Variants in CEP128 observed in about 807,000 individuals in gnomAD.
The protein encoded by CEP128 is centrosomal protein 128kDa.
Under a neutral mutation model 156.7 loss-of-function variants are expected in CEP128, and 132 were observed. That is an observed-to-expected ratio of 0.84 (90% CI 0.73 to 0.97). The LOEUF (loss-of-function observed/expected upper bound fraction) is 0.97. Ranked by LOEUF, CEP128 falls within the 50% of genes least tolerant of loss-of-function variation. The pLI, the probability that CEP128 is intolerant of heterozygous loss-of-function variation, is 0.00. For missense variants in CEP128, 1,252 were observed against 1,281.9 expected (o/e 0.98, Z 0.36); for synonymous variants, 469 against 448.9 (o/e 1.04, Z -0.57).
At chr14:80,503,851 T>C (rs548809609) in intron 24 of CEP128, among the ~76,000 whole-genome samples, 1 of 152,262 alleles carries the variant, frequency 6.6e-6, no homozygotes, top group East Asian at 1.9e-4. Flanking sequence ...GCATTTAGAC[T>C]AAAATAATCA....
intron 18 of CEP128, among the ~76,000 whole-genome samples, chr14:80,754,459 CTTTTTTTTT>C (rs758603562): frequency 7.6e-5 from 8 of 104,808 alleles, no homozygotes; most frequent in African/African-American, 2.3e-4. Context: ...ATGTCCTGTT[CTTTTTTTTT>C]TTTTTTTTTT....
At chr14:80,811,483 A>G (rs28631251) in intron 13 of CEP128, among the ~76,000 whole-genome samples, 9,881 of 152,150 alleles carry the variant, frequency 0.065, 1,068 homozygotes, top group African/African-American at 0.23. Flanking sequence ...TCTCCATCTC[A>G]TTCTTTTTCT....
intron 19 of CEP128, among the ~76,000 whole-genome samples, chr14:80,596,842 A>AAAAAAAAAAAG (rs1555379468): frequency 8.6e-4 from 60 of 69,888 alleles, no homozygotes; most frequent in Non-Finnish European, 1.2e-3. Flanking sequence ...AAAAAAAAAA[A>AAAAAAAAAAAG]GGTGGGGGGG....
intron 19 of CEP128, among the ~76,000 whole-genome samples, chr14:80,679,694 G>A (rs1896235772): frequency 6.6e-6 from 1 of 151,992 alleles, no homozygotes; most frequent in South Asian, 2.1e-4. Context: ...TTTGCCTTGT[G>A]ACTTTATTGG....
At chr14:80,788,362 A>AT (rs1297569279) in intron 14 of CEP128, among the ~76,000 whole-genome samples, 1 of 143,954 alleles carries the variant, frequency 6.9e-6, no homozygotes, top group African/African-American at 2.6e-5. Context: ...TGGATAAATA[A>AT]TTCAACTTTT....
At chr14:80,672,354 TA>T (rs33944762) in intron 19 of CEP128, among the ~76,000 whole-genome samples, 66,544 of 149,916 alleles carry the variant, frequency 0.44, 15,893 homozygotes, top group East Asian at 0.65. Flanking sequence ...ATGTCTTTTT[TA>T]AAAAAAAAAT....
At chr14:80,487,770 A>G (rs1270021499), downstream of CEP128, among the ~76,000 whole-genome samples, 1 of 152,204 alleles carries the variant, frequency 6.6e-6, no homozygotes, top group African/African-American at 2.4e-5. Flanking sequence ...CTGCTCCTGA[A>G]TGACTACTGG....
At chr14:80,649,489 G>C (rs772133421) in intron 19 of CEP128, among the ~76,000 whole-genome samples, 1 of 152,126 alleles carries the variant, frequency 6.6e-6, no homozygotes, top group Non-Finnish European at 1.5e-5. Flanking sequence ...AGGACAAAAA[G>C]CAGGAGTCCC....
intron 23 of CEP128, among the ~76,000 whole-genome samples, chr14:80,506,508 G>A (rs1188064295): frequency 6.6e-6 from 1 of 151,386 alleles, no homozygotes; most frequent in Non-Finnish European, 1.5e-5. Flanking sequence ...CCATAACTGA[G>A]GATAACAGCA....
intron 19 of CEP128, among the ~76,000 whole-genome samples, chr14:80,586,703 A>G (rs964992398): frequency 2.0e-4 from 30 of 152,242 alleles, no homozygotes; most frequent in Non-Finnish European, 4.4e-5. Flanking sequence ...GTCCAAAAAT[A>G]TGGCTATGAT....
At chr14:80,647,063 A>ATGTGTGTATG (rs1566831616) in intron 19 of CEP128, among the ~76,000 whole-genome samples, 1 of 67,916 alleles carries the variant, frequency 1.5e-5, no homozygotes, top group East Asian at 6.3e-4. Flanking sequence ...ATATATATAT[A>ATGTGTGTATG]TATATATATA....
chr14:80,482,625 C>T (rs769914290), intron 14 of CEP128, among the ~76,000 whole-genome samples: 2 of 152,202 alleles, frequency 1.3e-5, no homozygotes, highest in Non-Finnish European at 2.9e-5. Context: ...ATGAAAAGCA[C>T]ATTATCCACT....
At chr14:80,846,407 T>A (rs535047125) in intron 9 of CEP128, among the ~76,000 whole-genome samples, 1 of 151,650 alleles carries the variant, frequency 6.6e-6, no homozygotes, top group East Asian at 1.9e-4. Flanking sequence ...ACCTAGAAAG[T>A]GAATATAATC....
In CEP128 at chr14:80,634,885, T is replaced by A. The variant is rs543516353; in HGVS notation, c.2807-54462A>T. 1.4e-4 allele frequency among the ~76,000 whole-genome samples: 22 copies of A among 152,314 alleles called. No individual in the cohort carries two copies. The South Asian group carries it at 4.6e-3, about 32-fold the overall frequency. ...TGTCAGGATAACTTCCCTTATATAA[T>A]TTTCATCACATTTTCTCTTTCAGAT... is the stretch of plus-strand genomic sequence containing the variant. On this transcript the variant is annotated intron_variant, in intron 19 of 24. Coordinates refer to ENST00000555265, the MANE Select transcript of CEP128 (RefSeq NM_152446.5).
intron 19 of CEP128, among the ~76,000 whole-genome samples, chr14:80,621,778 C>T (rs969535639): frequency 6.6e-6 from 1 of 152,142 alleles, no homozygotes; most frequent in African/African-American, 2.4e-5. Context: ...CAAGTCCACT[C>T]CGTTTGTAAG....
chr14:80,593,267 C>A (rs1892161030), intron 19 of CEP128, among the ~76,000 whole-genome samples: 1 of 152,014 alleles, frequency 6.6e-6, no homozygotes, highest in Non-Finnish European at 1.5e-5. Context: ...CTGTTGTCGG[C>A]CGGGTGAGGT....
At chr14:80,719,671 A>G (rs1897740964) in intron 19 of CEP128, among the ~76,000 whole-genome samples, 1 of 152,236 alleles carries the variant, frequency 6.6e-6, no homozygotes, top group Admixed American at 6.5e-5. Context: ...AAGAGGGGAC[A>G]TAGGACTAAA....
intron 19 of CEP128, among the ~76,000 whole-genome samples, chr14:80,666,166 C>A (rs1245824444): frequency 1.3e-5 from 2 of 152,078 alleles, no homozygotes; most frequent in Non-Finnish European, 2.9e-5. Context: ...CCAGGATAAA[C>A]CTCTAAGGAA....
At chr14:80,882,643 T>C (rs144589950) in intron 8 of CEP128, among the ~76,000 whole-genome samples, 37 of 152,252 alleles carry the variant, frequency 2.4e-4, no homozygotes, top group African/African-American at 7.5e-4. Context: ...CTATTCACAA[T>C]AGCCAAAATT....
Sources: gnomAD v4.1 joint callset for allele counts (sites outside exome capture counted in the v4.1 genomes callset) on GRCh38, gnomAD v4.1.1 for gene constraint, MANE v1.5 for transcripts, NCBI Gene and HGNC (gene_info 2026-07-23, HGNC 2026-07-21) for gene names.